The following WNT10B variants were observed in gnomAD, a reference collection of about 807,000 sequenced individuals.
WNT10B encodes the protein Wnt family member 10B.
In WNT10B, 26 loss-of-function variants were observed where a neutral mutation model predicts 32.7. That is an observed-to-expected ratio of 0.79 (90% confidence interval 0.58 to 1.10). The LOEUF (loss-of-function observed/expected upper bound fraction) is 1.10, where lower values mean the gene tolerates loss of function less well. Among genes scored for constraint, WNT10B ranks in the 50% least tolerant of loss-of-function variants. The pLI is 0.00. For missense variants in WNT10B, 474 were observed against 532.5 expected, an observed-to-expected ratio of 0.89 and a Z score of 1.08; for synonymous variants, 204 against 220.4, an observed-to-expected ratio of 0.93 and a Z score of 0.66.
chr12:48,966,411 A>T lies in WNT10B; in HGVS notation c.854T>A (p.Ile285Asn). 2 of 1,614,030 alleles carry T rather than the reference A, an allele frequency of 1.2e-6. No homozygotes were observed. The highest frequency in any genetic ancestry group is 1.7e-6 in the Non-Finnish European group (2 of 1,180,036). Residue 285 changes from isoleucine to asparagine, a missense_variant, in exon 5 of 5, where the codon ATT becomes AAT. Ile to Asn is a moderately radical substitution (Grantham distance 149, BLOSUM62 -3). Coordinates refer to ENST00000301061, the MANE Select transcript of WNT10B (RefSeq NM_003394.4). ...LRERLGRAIF[I>N]DTHNRNSGAF... ...TCCAGAATTGCGGTTGTGGGTATCA[A>T]TGAAGATGGCCCGGCCCAGCCGCTC...
In WNT10B at chr12:48,969,958, G is replaced by A. The variant is rs990302493; in HGVS notation, c.337+131C>T. ...CCAGACCTGGCTCAGAGCGGCTCCG[G>A]GGGGGGCGGGGAATTCCAGGAGAGG... On this transcript the variant is annotated intron_variant, in intron 3 of 4. Coordinates refer to ENST00000301061, the MANE Select transcript of WNT10B (RefSeq NM_003394.4). The A allele has an allele frequency of 1.1e-5, 13 of 1,175,826 alleles. No individual in the cohort carries two copies. In the Admixed American group the frequency reaches 4.2e-4, roughly 38 times the overall value. The allele number at this position is 1,175,826 out of a possible 1,614,324, so 72.8% of individuals were successfully genotyped here.
At chr12:48,969,911 G>C (rs1940813993) in intron 3 of WNT10B, among the ~76,000 whole-genome samples, 178 bp downstream of exon 3, 1 of 151,594 alleles carries the variant, frequency 6.6e-6, no homozygotes, top group Non-Finnish European at 1.5e-5. Flanking sequence ...GAAGTTAGGC[G>C]CGCAGGGGCC....
intron 3 of WNT10B, chr12:48,968,981 G>C (rs1940795583): frequency 4.6e-6 from 2 of 439,410 alleles, no homozygotes; most frequent in Admixed American, 2.6e-5. Flanking sequence ...AAAACACTGA[G>C]AGGAGGAGAG....
chr12:48,967,350 A>G (rs1190317549), intron 4 of WNT10B, among the ~76,000 whole-genome samples: 5 of 152,038 alleles, frequency 3.3e-5, no homozygotes, highest in Non-Finnish European at 5.9e-5. Flanking sequence ...TGTTTTTAAT[A>G]GAGACAGGGT....
chr12:48,967,975 G>T lies in WNT10B; in HGVS notation c.682C>A (p.Arg228=), dbSNP rs149890665. ...EAPRDIQARM[R]IHNNRVGRQV... is the part of the protein sequence containing the mutation. ...CGCCCCACCCTGTTGTTGTGGATTCGCATTCGTGCCTGGATGTCCCGGGGA... is the reference window on the plus strand; with the variant it reads ...CGCCCCACCCTGTTGTTGTGGATTCTCATTCGTGCCTGGATGTCCCGGGGA... The change falls in exon 4 of 5, where the codon CGA becomes AGA. Residue 228 remains arginine (R), a synonymous_variant. Transcript: ENST00000301061. 41 of 1,614,222 alleles carry T rather than the reference G, an allele frequency of 2.5e-5. No homozygotes were observed. The African/African-American group carries it at 3.2e-4, about 13-fold the overall frequency.
At position 48,970,518 on chromosome 12, in the gene WNT10B, C is replaced by T. The variant is rs1940834799; in HGVS notation, c.12G>A (p.Glu4=). The change falls in exon 2 of 5, where the codon GAG becomes GAA. Residue 4 remains glutamate (E), a synonymous_variant. Coordinates refer to ENST00000301061, the MANE Select transcript of WNT10B (RefSeq NM_003394.4). This position sits in a 1 kb window ranked among gnomAD's most constrained non-coding sequence, Gnocchi z 5.0. MLE[E]PRPRPPPSGL... is the part of the protein sequence containing the mutation. ...CCGAGGGCGGAGGCCGCGGCCGGGG[C>T]TCCTCCAGCATGTCGAAGCCCGGAG... is the stretch of plus-strand genomic sequence containing the variant. 1 of 1,585,534 alleles carries T rather than the reference C, an allele frequency of 6.3e-7. No individual in the cohort carries two copies. Among genetic ancestry groups the T allele is most frequent in the East Asian group, 2.3e-5 (1 of 44,006 alleles).
At chr12:48,968,832 A>G (rs999234513) in intron 3 of WNT10B, among the ~76,000 whole-genome samples, 2 of 151,312 alleles carry the variant, frequency 1.3e-5, no homozygotes, top group Non-Finnish European at 1.5e-5. Flanking sequence ...CAGTCTTTTA[A>G]CCAACCTACC....
At chr12:48,968,434 G>T in intron 3 of WNT10B, 115 bp from the exon 4 acceptor site, 1 of 1,487,890 alleles carries the variant, frequency 6.7e-7, no homozygotes, top group Non-Finnish European at 9.1e-7. Flanking sequence ...ACTGAATCCT[G>T]ACCCTGCCAT....
At chr12:48,967,828 T>C (rs1940766315) in intron 4 of WNT10B, 118 bp downstream of exon 4, 9 of 1,389,150 alleles carry the variant, frequency 6.5e-6, no homozygotes, top group Non-Finnish European at 8.8e-6. Flanking sequence ...GCTGGGTGAC[T>C]TGCTGATGGT....
At chr12:48,968,467 GAA>G in intron 3 of WNT10B, 148 bp from the exon 4 acceptor site, 1 of 1,319,508 alleles carries the variant, frequency 7.6e-7, no homozygotes, top group South Asian at 1.3e-5. Flanking sequence ...TGATTTGGAG[GAA>G]AGTCATGGGA....
intron 4 of WNT10B, among the ~76,000 whole-genome samples, chr12:48,966,936 C>T (rs2137611575): frequency 6.6e-6 from 1 of 152,302 alleles, no homozygotes; most frequent in South Asian, 2.1e-4. Flanking sequence ...ATGCAGTCAG[C>T]CAACGATGAG....
rs993388545 is a variant in WNT10B at position 48,970,339 on chromosome 12, A to G, written c.87T>C (p.Asn29=). Residue 29 remains asparagine (N), a synonymous_variant, in exon 3 of 5, where the codon AAT becomes AAC. Coordinates refer to ENST00000301061, the MANE Select transcript of WNT10B (RefSeq NM_003394.4). This position sits in a 1 kb window ranked among gnomAD's most constrained non-coding sequence, Gnocchi z 5.0. ...CAGGCAACTTCAGGCCCAGAATCTCATTGCTTAGAGCCCTGGGAACCAAGA... is the reference window on the plus strand; with the variant it reads ...CAGGCAACTTCAGGCCCAGAATCTCGTTGCTTAGAGCCCTGGGAACCAAGA... The part of the protein sequence containing the change: ...FLALCSRALS[N]EILGLKLPGE... 4.4e-6 allele frequency: 7 copies of G among 1,593,354 alleles called. No homozygotes were observed. The Admixed American group carries it at 6.7e-5, about 15-fold the overall frequency.
At position 48,969,488 on chromosome 12, in the gene WNT10B, G is replaced by A. The variant is rs1940806177; in HGVS notation, c.337+601C>T. Among the ~76,000 whole-genome samples the A allele has an allele frequency of 5.9e-5, 9 of 152,310 alleles. No individual in the cohort carries two copies. In the South Asian group the frequency reaches 1.9e-3, roughly 32 times the overall value. On this transcript the variant is annotated intron_variant, in intron 3 of 4. Transcript: ENST00000301061. ...CCATGCCTCCCAGACCAGGCCAGCA[G>A]TGACCTGTTCTCTGCCTCTCCAGCC...
At position 48,966,060 on chromosome 12, in the gene WNT10B, A is replaced by G; in HGVS notation, c.*35T>C. 3 of 1,611,916 alleles carry G rather than the reference A, an allele frequency of 1.9e-6. No homozygotes were observed. Among genetic ancestry groups the G allele is most frequent in the Non-Finnish European group, 2.5e-6 (3 of 1,179,194 alleles). On this transcript the variant is annotated 3_prime_UTR_variant, in exon 5 of 5. Coordinates refer to ENST00000301061, the MANE Select transcript of WNT10B (RefSeq NM_003394.4). ...GGCTGAAAAGGCGCCCCTCTCACAC[A>G]GTCCTCTTCCCCAGCCCCAAGGTAA...
chr12:48,970,369 G>A lies in WNT10B; in HGVS notation c.75-18C>T, dbSNP rs1940831124. 5 of 1,614,128 alleles carry A rather than the reference G, an allele frequency of 3.1e-6. No homozygotes were observed. The African/African-American group carries it at 5.3e-5, about 17-fold the overall frequency. On this transcript the variant is annotated intron_variant, in intron 2 of 4. Transcript: ENST00000301061. The surrounding 1 kb of genome is among the most constrained non-coding windows in gnomAD (Gnocchi z 5.0). The stretch of plus-strand genomic sequence containing the variant: ...TTAGAGCCCTGGGAACCAAGAAGGC[G>A]TCTGGGGTCTGCGGTCCAGACCCCT...
At position 48,971,000 on chromosome 12, in the gene WNT10B, T is replaced by G; in HGVS notation, c.-40-431A>C. ...GGAGGTTCCCCACCACCTAAGGGGG[T>G]GTCACCTCCAGGTGTCATCAAGGGC... On this transcript the variant is annotated intron_variant, in intron 1 of 4. Transcript: ENST00000301061. This position sits in a 1 kb window ranked among gnomAD's most constrained non-coding sequence, Gnocchi z 5.0. The G allele has an allele frequency of 4.9e-6, 1 of 206,174 alleles. No individual in the cohort carries two copies. The highest frequency in any genetic ancestry group is 8.0e-5 in the South Asian group (1 of 12,530). The allele number at this position is 206,174 out of a possible 1,614,324, so 12.8% of individuals were successfully genotyped here.
In WNT10B at chr12:48,970,853, A is replaced by G. The variant is rs1052987387; in HGVS notation, c.-40-284T>C. 24 of 483,578 alleles carry G rather than the reference A, an allele frequency of 5.0e-5. No homozygotes were observed. Among genetic ancestry groups the G allele is most frequent in the African/African-American group, 3.7e-4 (19 of 51,574 alleles). 30.0% of individuals were successfully genotyped at this position (483,578 alleles called of 1,614,324 possible). A position where few individuals can be genotyped will look rare whatever the true frequency, so the allele number is the denominator to read the frequency against. On this transcript the variant is annotated intron_variant, in intron 1 of 4. Transcript: ENST00000301061. This position sits in a 1 kb window ranked among gnomAD's most constrained non-coding sequence, Gnocchi z 5.0. The stretch of plus-strand genomic sequence containing the variant: ...ACGCCCGGCACACAGACACACACTC[A>G]CTTGCAAACTCAGACACACAGACTC...
intron 4 of WNT10B, among the ~76,000 whole-genome samples, chr12:48,967,506 G>C (rs1303753904): frequency 6.6e-6 from 1 of 151,804 alleles, no homozygotes; most frequent in African/African-American, 2.4e-5. Flanking sequence ...CTCCACCTTG[G>C]CCAGGGTGGT....
chr12:48,970,115 G>T lies in WNT10B; in HGVS notation c.311C>A (p.Pro104Gln). 2.0e-6 allele frequency: 3 copies of T among 1,527,548 alleles called. No individual in the cohort carries two copies. The highest frequency in any genetic ancestry group is 2.6e-6 in the Non-Finnish European group (3 of 1,140,986). 94.6% of individuals were successfully genotyped at this position (1,527,548 alleles called of 1,614,324 possible). ...GCGCTTGAGGATGGCGCTGTGGTGC[G>T]GCAGGCGGCCGCCGCCCTCAAGCGC... ...CSALEGGGRL[P>Q]HHSAILKRGF... Residue 104 changes from proline to glutamine, a missense_variant, in exon 3 of 5, where the codon CCG becomes CAG. Physicochemically the swap from Pro to Gln is moderately conservative, Grantham distance 76. Coordinates refer to ENST00000301061, the MANE Select transcript of WNT10B (RefSeq NM_003394.4). This position sits in a 1 kb window ranked among gnomAD's most constrained non-coding sequence, Gnocchi z 5.0.
Sources: gnomAD v4.1 joint callset for allele counts (sites outside exome capture counted in the v4.1 genomes callset) on GRCh38, gnomAD v4.1.1 for gene constraint, Gnocchi (gnomAD v3.1) non-coding constraint, MANE v1.5 for transcripts, NCBI Gene and HGNC (gene_info 2026-07-23, HGNC 2026-07-21) for gene names.